MAP3K7: variants seen among roughly 807,000 people sequenced by gnomAD.
MAP3K7 encodes TGF-beta activated kinase 1.
A neutral mutation model predicts 84.8 loss-of-function variants in MAP3K7; 21 were observed. The observed-to-expected ratio is 0.25, with a 90% CI of 0.18 to 0.36. MAP3K7 has a LOEUF of 0.36. Among genes scored for constraint, MAP3K7 ranks in the 10% least tolerant of loss-of-function variants. The probability of loss-of-function intolerance (pLI) is 1.00; values close to 1 mark genes in which losing one functional copy is unlikely to be tolerated. For synonymous variants in MAP3K7, 241 were observed against 247.7 expected, an observed-to-expected ratio of 0.97 and a Z score of 0.25; for missense variants, 503 against 747.7, an observed-to-expected ratio of 0.67 and a Z score of 3.82.
intron 14 of MAP3K7, among the ~76,000 whole-genome samples, chr6:90,521,092 C>T (rs1290924685): frequency 2.6e-5 from 4 of 151,828 alleles, no homozygotes; most frequent in Non-Finnish European, 5.9e-5. Context: ...AATTAAAGCC[C>T]TTGTATGGTG....
intron 13 of MAP3K7, among the ~76,000 whole-genome samples, chr6:90,530,691 T>TA (rs111278835): frequency 1.3e-5 from 2 of 152,148 alleles, no homozygotes; most frequent in Non-Finnish European, 2.9e-5. Flanking sequence ...TATGTTTGTA[T>TA]AAAAAAACTA....
chr6:90,557,668 G>C (rs1312986466), intron 5 of MAP3K7, among the ~76,000 whole-genome samples: 1 of 151,960 alleles, frequency 6.6e-6, no homozygotes, highest in Non-Finnish European at 1.5e-5. Flanking sequence ...TTTTATACTG[G>C]TATATTCAAG....
chr6:90,575,845 A>G (rs1777057710), intron 1 of MAP3K7, among the ~76,000 whole-genome samples: 1 of 152,184 alleles, frequency 6.6e-6, no homozygotes. Flanking sequence ...TTTACTCCTT[A>G]AACCAATATT....
intron 1 of MAP3K7, 139 bp downstream of exon 1, chr6:90,586,625 G>T: frequency 1.8e-6 from 2 of 1,138,548 alleles, no homozygotes; most frequent in Non-Finnish European, 2.4e-6. Flanking sequence ...CGTTACTGAG[G>T]GCTGTGGGGT....
Position 90,518,537 on chromosome 6 carries a change from T to G in MAP3K7, c.1550A>C (p.Lys517Thr). 1 of 1,607,862 alleles carries G rather than the reference T, an allele frequency of 6.2e-7. No individual in the cohort carries two copies. The highest frequency in any genetic ancestry group is 8.5e-7 in the Non-Finnish European group (1 of 1,175,820). ...CTGTTCAAACACTGCCATAGATTCT[T>G]TGGAGTTTGGGCACGGTGCTAGAGG... is the stretch of plus-strand genomic sequence containing the variant. Reference protein sequence around the residue: ...LQPLAPCPNSKESMAVFEQHC... With the variant: ...LQPLAPCPNSTESMAVFEQHC... The change falls in exon 16 of 17, where the codon AAA becomes ACA. Residue 517 changes from lysine to threonine, a missense_variant. Lys to Thr is a moderately conservative substitution (Grantham distance 78). Around this residue, in one of 5 missense-constraint regions of MAP3K7, gnomAD observed 36 missense variants for 74.5 expected, o/e 0.48. Transcript: ENST00000369329.
rs1276625714 is a variant in MAP3K7 at position 90,514,315 on chromosome 6, C to CTT, written c.*2184_*2185dup. Reference sequence around the variant, plus strand: ...CTCCCATCTCCAAGGATCATCAGGACTTAAAAGCATGAAATTGACAACACA... The same window carrying CTT: ...CTCCCATCTCCAAGGATCATCAGGACTTTTAAAAGCATGAAATTGACAACACA... On this transcript the variant is annotated 3_prime_UTR_variant, in exon 17 of 17. Transcript: ENST00000369329. 1 of 151,942 alleles carries CTT rather than the reference C, an allele frequency of 6.6e-6. No individual in the cohort carries two copies. Among genetic ancestry groups the CTT allele is most frequent in the Non-Finnish European group, 1.5e-5 (1 of 67,942 alleles). The allele number at this position is 151,942 out of a possible 1,614,324, so 9.4% of individuals were successfully genotyped here. A position where few individuals can be genotyped will look rare whatever the true frequency, so the allele number is the denominator to read the frequency against.
intron 13 of MAP3K7, among the ~76,000 whole-genome samples, chr6:90,525,822 T>C (rs1328697415): frequency 6.7e-6 from 1 of 149,822 alleles, no homozygotes; most frequent in African/African-American, 2.5e-5. Context: ...CCTCCACAGT[T>C]TCCCAAAGCA....
chr6:90,538,561 T>C (rs772135860), intron 12 of MAP3K7, among the ~76,000 whole-genome samples: 14 of 151,934 alleles, frequency 9.2e-5, no homozygotes, highest in Admixed American at 3.9e-4. Context: ...GGAACGTTCA[T>C]GTCTTATAAT....
intron 13 of MAP3K7, among the ~76,000 whole-genome samples, chr6:90,528,607 A>T (rs12209448): frequency 6.6e-6 from 1 of 152,146 alleles, no homozygotes; most frequent in Non-Finnish European, 1.5e-5. Context: ...CTGTTTTTTT[A>T]AAAATAATTT....
At chr6:90,547,210 A>T in intron 11 of MAP3K7, 48 bp downstream of exon 11, 1 of 1,597,292 alleles carries the variant, frequency 6.3e-7, no homozygotes, top group Non-Finnish European at 8.5e-7. Context: ...CCATGGCCAA[A>T]AAGGCTTATA....
chr6:90,571,668 T>C (rs1284133712), intron 2 of MAP3K7, 29 bp downstream of exon 2: 1 of 1,377,336 alleles, frequency 7.3e-7, no homozygotes, highest in Non-Finnish European at 1.0e-6. Context: ...AGTGCAGAAC[T>C]ACACAAAAGA....
chr6:90,548,620 T>C (rs1776080088), intron 9 of MAP3K7, among the ~76,000 whole-genome samples: 1 of 152,010 alleles, frequency 6.6e-6, no homozygotes, highest in Admixed American at 6.6e-5. Flanking sequence ...AGATGGTATA[T>C]AAGGCCATAA....
intron 7 of MAP3K7, 49 bp downstream of exon 7, chr6:90,553,397 GAGTAGTCTTCCA>G: frequency 6.9e-7 from 1 of 1,455,148 alleles, no homozygotes; most frequent in Non-Finnish European, 9.5e-7. Context: ...AAGGGGACAG[GAGTAGTCTTCCA>G]AGTAGAAAAC....
chr6:90,582,294 G>A (rs1486364716), intron 1 of MAP3K7, among the ~76,000 whole-genome samples: 1 of 152,174 alleles, frequency 6.6e-6, no homozygotes, highest in Non-Finnish European at 1.5e-5. Flanking sequence ...TTTATCACAT[G>A]TAATATAAGA....
intron 1 of MAP3K7, among the ~76,000 whole-genome samples, chr6:90,572,936 A>G (rs1032598876): frequency 6.6e-6 from 1 of 152,208 alleles, no homozygotes. Context: ...CCAATCTCTC[A>G]GCTTCCAATG....
chr6:90,533,945 G>C (rs1015029618), intron 13 of MAP3K7, among the ~76,000 whole-genome samples: 1 of 152,176 alleles, frequency 6.6e-6, no homozygotes, highest in Non-Finnish European at 1.5e-5. Flanking sequence ...AACCATGTTT[G>C]AAAGTGAGTT....
intron 14 of MAP3K7, among the ~76,000 whole-genome samples, chr6:90,522,862 G>A (rs1206566283): frequency 2.6e-5 from 4 of 152,006 alleles, no homozygotes; most frequent in South Asian, 2.1e-4. Context: ...TAACATAGTC[G>A]ATCTTATATA....
Position 90,550,457 on chromosome 6 carries a change from T to A in MAP3K7, c.949+11A>T. ...AAATCAAGTCAATACTCTTCCAATCTATCCATTTACCTGTACTGGTGGCAG... is the reference window on the plus strand; with the variant it reads ...AAATCAAGTCAATACTCTTCCAATCAATCCATTTACCTGTACTGGTGGCAG... On this transcript the variant is annotated intron_variant, in intron 9 of 16. Transcript: ENST00000369329. 6.4e-7 allele frequency: 1 copy of A among 1,567,714 alleles called. No homozygotes were observed. Among genetic ancestry groups the A allele is most frequent in the Non-Finnish European group, 8.8e-7 (1 of 1,142,246 alleles).
At chr6:90,561,748 C>A in intron 3 of MAP3K7, 81 bp from the exon 4 acceptor site, 1 of 950,060 alleles carries the variant, frequency 1.1e-6, no homozygotes, top group South Asian at 1.4e-5. Flanking sequence ...AATTCACTCC[C>A]CTGATTTTAT....
Sources: allele counts gnomAD v4.1 joint callset (sites outside exome capture counted in the v4.1 genomes callset), GRCh38; gene constraint gnomAD v4.1.1; regional missense constraint gnomAD v4.1.1; transcripts MANE v1.5; gene names NCBI Gene and HGNC (gene_info 2026-07-23, HGNC 2026-07-21).